Variants in SDK1 observed in about 807,000 individuals in gnomAD.
SDK1 encodes the protein sidekick cell adhesion molecule 1, also known as protein sidekick-1.
In SDK1, 157 loss-of-function variants were observed where a neutral mutation model predicts 245.5. That is an observed-to-expected ratio of 0.64 (90% CI 0.56 to 0.73). SDK1 has a LOEUF of 0.73. Among genes scored for constraint, SDK1 ranks in the 30% least tolerant of loss-of-function variants. The probability of loss-of-function intolerance (pLI) is 0.00; values close to 1 mark genes in which losing one functional copy is unlikely to be tolerated. For missense variants in SDK1, 3,583 were observed against 3,002.3 expected (o/e 1.19, Z -4.52); for synonymous variants, 1,647 against 1,278.5 (o/e 1.29, Z -6.15).
intron 1 of SDK1, among the ~76,000 whole-genome samples, chr7:3,445,416 C>G (rs1388065897): frequency 6.6e-6 from 1 of 152,122 alleles, no homozygotes; most frequent in Non-Finnish European, 1.5e-5. Context: ...TGCTGTCTCT[C>G]CCCTAAAAAG....
chr7:3,495,778 C>A (rs1437367506), intron 1 of SDK1, among the ~76,000 whole-genome samples: 1 of 152,230 alleles, frequency 6.6e-6, no homozygotes, highest in African/African-American at 2.4e-5. Context: ...CTCGTGGACC[C>A]AGTTCTACCA....
intron 4 of SDK1, among the ~76,000 whole-genome samples, chr7:3,761,174 A>G (rs577108624): frequency 6.6e-6 from 1 of 151,530 alleles, no homozygotes; most frequent in Non-Finnish European, 1.5e-5. Flanking sequence ...TGGATTGCCA[A>G]GTTGCATAGA....
At chr7:3,987,755 C>T (rs986378973) in intron 14 of SDK1, among the ~76,000 whole-genome samples, 1 of 152,194 alleles carries the variant, frequency 6.6e-6, no homozygotes, top group Non-Finnish European at 1.5e-5. Context: ...GACTCACCTT[C>T]CAGGACCCCT....
chr7:3,502,255 T>C (rs538680269), intron 1 of SDK1, among the ~76,000 whole-genome samples: 12 of 152,272 alleles, frequency 7.9e-5, no homozygotes, highest in African/African-American at 2.9e-4. Context: ...AATTTATTTT[T>C]AGACAAAGTC....
chr7:4,074,578 A>G (rs1052711147), intron 20 of SDK1, among the ~76,000 whole-genome samples: 1 of 152,076 alleles, frequency 6.6e-6, no homozygotes, highest in Non-Finnish European at 1.5e-5. Flanking sequence ...GGCAGGGCCC[A>G]GGCTGGGCGT....
intron 17 of SDK1, among the ~76,000 whole-genome samples, chr7:4,038,393 G>A (rs1197849246): frequency 1.3e-5 from 2 of 148,486 alleles, no homozygotes; most frequent in East Asian, 2.0e-4. Context: ...TTTTTTTTTT[G>A]TACCTTAAAT....
intron 38 of SDK1, among the ~76,000 whole-genome samples, 159 bp from the exon 39 acceptor site, chr7:4,219,950 G>A (rs1264707668): frequency 6.6e-6 from 1 of 152,086 alleles, no homozygotes; most frequent in Non-Finnish European, 1.5e-5. Context: ...TATCTGTGCT[G>A]AAAATTGGCT....
chr7:3,329,346 C>T (rs1780011444), intron 1 of SDK1, among the ~76,000 whole-genome samples: 1 of 152,056 alleles, frequency 6.6e-6, no homozygotes, highest in African/African-American at 2.4e-5. Context: ...TTTTCACATA[C>T]TTTTTTGAAA....
rs182408484 is a variant in SDK1 at position 3,974,619 on chromosome 7, C to T, written c.1994+74C>T. On this transcript the variant is annotated intron_variant, in intron 13 of 44. Transcript: ENST00000404826. ...ACTGTGCCCCTGTTAGTGACTGCCA[C>T]TTCACAAGTGTCACGCCCGGCTTGT... The T allele has an allele frequency of 2.0e-5, 29 of 1,438,720 alleles. No individual in the cohort carries two copies. The East Asian group carries it at 3.7e-4, about 18-fold the overall frequency. 89.1% of individuals were successfully genotyped at this position (1,438,720 alleles called of 1,614,324 possible).
At chr7:3,859,732 T>G (rs1250769633) in intron 5 of SDK1, among the ~76,000 whole-genome samples, 1 of 152,178 alleles carries the variant, frequency 6.6e-6, no homozygotes, top group African/African-American at 2.4e-5. Context: ...TTTCAGGGGT[T>G]AAGTCAACAC....
chr7:4,013,553 T>G, intron 16 of SDK1, among the ~76,000 whole-genome samples: 1 of 152,232 alleles, frequency 6.6e-6, no homozygotes, highest in Non-Finnish European at 1.5e-5. Context: ...TGTTGCATCT[T>G]CAGCTTCATT....
rs1562825080 is a variant in SDK1 at position 4,110,749 on chromosome 7, C to A, written c.3411C>A (p.Asn1137Lys). ...ATGCCCAGATGCTGGAGATCCCAAACCTCACACCCTACACTCACTACAGGT... is the reference window on the plus strand; with the variant it reads ...ATGCCCAGATGCTGGAGATCCCAAAACTCACACCCTACACTCACTACAGGT... Reference protein sequence around the residue: ...EPDAQMLEIPNLTPYTHYRFR... With the variant: ...EPDAQMLEIPKLTPYTHYRFR... The change falls in exon 23 of 45, where the codon AAC becomes AAA. Residue 1137 changes from asparagine (N) to lysine (K), a missense_variant. Coordinates refer to ENST00000404826, the MANE Select transcript of SDK1 (RefSeq NM_152744.4). 6.2e-7 allele frequency: 1 copy of A among 1,612,702 alleles called. No homozygotes were observed. The highest frequency in any genetic ancestry group is 2.2e-5 in the East Asian group (1 of 44,864).
At chr7:4,082,546 A>AG (rs1300466668) in intron 22 of SDK1, among the ~76,000 whole-genome samples, 4 of 151,914 alleles carry the variant, frequency 2.6e-5, no homozygotes, top group Admixed American at 6.6e-5. Context: ...AAAAAAAAAA[A>AG]AAAAGAAAAG....
chr7:4,221,578 C>T (rs756624953), intron 40 of SDK1, among the ~76,000 whole-genome samples: 6 of 152,264 alleles, frequency 3.9e-5, no homozygotes, highest in African/African-American at 4.8e-5. Context: ...TAAGGGCATA[C>T]GCTTTGGGAT....
chr7:3,741,785 A>G (rs906282138), intron 4 of SDK1, among the ~76,000 whole-genome samples: 2 of 152,154 alleles, frequency 1.3e-5, no homozygotes, highest in African/African-American at 4.8e-5. Context: ...AACAAGTAGT[A>G]AATGACTTTT....
In SDK1 at chr7:4,176,118, CT is replaced by C. The variant is rs112511150; in HGVS notation, c.4996+297del. The stretch of plus-strand genomic sequence containing the variant: ...TCTGATCTCTCCAACTTCCTTCTTC[CT>C]TTTTTTTTTTTTAAAGAAACACTCT... On this transcript the variant is annotated intron_variant, in intron 34 of 44. Coordinates refer to ENST00000404826, the MANE Select transcript of SDK1 (RefSeq NM_152744.4). Among the ~76,000 whole-genome samples, 953 of 149,030 alleles carry C rather than the reference CT, an allele frequency of 6.4e-3. 8 individuals are homozygous for C. Among genetic ancestry groups the C allele is most frequent in the Non-Finnish European group, 7.7e-3 (517 of 67,256 alleles).
chr7:3,997,172 A>C (rs1021979338), intron 14 of SDK1, among the ~76,000 whole-genome samples: 1 of 152,054 alleles, frequency 6.6e-6, no homozygotes, highest in African/African-American at 2.4e-5. Flanking sequence ...GGATCTTTGG[A>C]GTGTCGCTTT....
chr7:3,332,436 A>T (rs1424157349), intron 1 of SDK1, among the ~76,000 whole-genome samples: 1 of 152,184 alleles, frequency 6.6e-6, no homozygotes, highest in Non-Finnish European at 1.5e-5. Context: ...ATATGGTTCA[A>T]CAGGATCCAA....
chr7:3,625,569 C>G (rs1322435650), intron 2 of SDK1, among the ~76,000 whole-genome samples: 1 of 152,196 alleles, frequency 6.6e-6, no homozygotes, highest in Non-Finnish European at 1.5e-5. Context: ...TTGGCAGTCA[C>G]TCTAAGTGGC....
Sources: allele counts gnomAD v4.1 joint callset (sites outside exome capture counted in the v4.1 genomes callset), GRCh38; gene constraint gnomAD v4.1.1; transcripts MANE v1.5; gene names NCBI Gene and HGNC (gene_info 2026-07-23, HGNC 2026-07-21).